Variants in FAM20B observed in about 807,000 individuals in gnomAD.
FAM20B encodes the protein glycosaminoglycan xylosylkinase.
FAM20B carries 23 observed loss-of-function variants against 43.8 expected under a neutral mutation model. The observed-to-expected ratio is 0.53, with a 90% CI of 0.38 to 0.74. The LOEUF is 0.74. Ranked by LOEUF, FAM20B falls within the 30% of genes least tolerant of loss-of-function variation. FAM20B has a pLI of 0.00. For synonymous variants in FAM20B, 178 were observed against 192.4 expected, an observed-to-expected ratio of 0.93 and a Z score of 0.62; for missense variants, 440 against 510.5, an observed-to-expected ratio of 0.86 and a Z score of 1.33.
chr1:179,040,737 C>T (rs1210206679), intron 1 of FAM20B, among the ~76,000 whole-genome samples: 7 of 139,758 alleles, frequency 5.0e-5, no homozygotes, highest in Non-Finnish European at 8.1e-5. Context: ...CCGGACGGGG[C>T]GGCTGGCCTG....
chr1:179,032,673 T>C lies in FAM20B; in HGVS notation c.-134+6575T>C, dbSNP rs190009477. On this transcript the variant is annotated intron_variant, in intron 1 of 7. Transcript: ENST00000263733. ...AGAAGCTATTTCTTAAGTGGATAAT[T>C]AGCACAGAAAAGAAGAAAAAATATC... Among the ~76,000 whole-genome samples the C allele has an allele frequency of 5.2e-3, 793 of 152,200 alleles. 8 individuals are homozygous for C. Among genetic ancestry groups the C allele is most frequent in the African/African-American group, 0.018 (749 of 41,522 alleles).
At chr1:179,030,216 C>T (rs554535098) in intron 1 of FAM20B, among the ~76,000 whole-genome samples, 5 of 151,990 alleles carry the variant, frequency 3.3e-5, no homozygotes, top group South Asian at 2.1e-4. Context: ...TGCCCAGGGA[C>T]GTTTTTGTTT....
At chr1:179,026,719 T>C (rs1557863474) in intron 1 of FAM20B, among the ~76,000 whole-genome samples, 1 of 152,214 alleles carries the variant, frequency 6.6e-6, no homozygotes, top group Non-Finnish European at 1.5e-5. Flanking sequence ...TAGCCCTCAG[T>C]GGGCTGCGCT....
At chr1:179,047,745 A>AC (rs143992121) in intron 2 of FAM20B, among the ~76,000 whole-genome samples, 3,284 of 152,206 alleles carry the variant, frequency 0.022, 65 homozygotes, top group Middle Eastern at 0.048. Context: ...TGCTGTTCTG[A>AC]CCCCCAGGGC....
intron 7 of FAM20B, among the ~76,000 whole-genome samples, chr1:179,070,077 G>A (rs927850208): frequency 3.9e-5 from 6 of 151,978 alleles, no homozygotes; most frequent in South Asian, 2.1e-4. Flanking sequence ...ATGGAGTCTC[G>A]CTCTGTTGCC....
At chr1:179,047,838 G>A (rs969339178) in intron 2 of FAM20B, among the ~76,000 whole-genome samples, 3 of 152,214 alleles carry the variant, frequency 2.0e-5, no homozygotes, top group South Asian at 2.1e-4. Context: ...CAGAAGGATA[G>A]GAATGATTTA....
Position 179,064,311 on chromosome 1 carries a change from G to A in FAM20B, c.753G>A (p.Glu251=), listed in dbSNP as rs1302936721. 6.2e-7 allele frequency: 1 copy of A among 1,604,368 alleles called. No homozygotes were observed. Among genetic ancestry groups the A allele is most frequent in the South Asian group, 1.1e-5 (1 of 90,306 alleles). ...TGATGCTGCTTGTCTCCAGGTGGGA[G>A]TATGATGAGAGCTACTGTGATGCTG... ...TYREGKLARW[E]YDESYCDAVK... The change falls in exon 6 of 8, where the codon GAG becomes GAA. Residue 251 remains glutamate (E), a synonymous_variant. Transcript: ENST00000263733.
chr1:179,038,959 C>T lies in FAM20B; in HGVS notation c.-133-4756C>T, dbSNP rs1211600452. On this transcript the variant is annotated intron_variant, in intron 1 of 7. Transcript: ENST00000263733. The stretch of plus-strand genomic sequence containing the variant: ...GAGAATAAACTTCATTCAGCTGGCC[C>T]ACTGCAAAGTGTTGCCCTCAGAATA... Among the ~76,000 whole-genome samples, 4 of 152,276 alleles carry T rather than the reference C, an allele frequency of 2.6e-5. No individual in the cohort carries two copies. In the East Asian group the frequency reaches 7.7e-4, roughly 29 times the overall value.
chr1:179,065,898 T>A (rs1651671010), intron 6 of FAM20B, among the ~76,000 whole-genome samples: 1 of 152,186 alleles, frequency 6.6e-6, no homozygotes, highest in South Asian at 2.1e-4. Flanking sequence ...GGTGAGGGCC[T>A]GTTTCTCAGA....
At chr1:179,040,334 TG>T (rs1345179625) in intron 1 of FAM20B, among the ~76,000 whole-genome samples, 1 of 127,534 alleles carries the variant, frequency 7.8e-6, no homozygotes, top group Non-Finnish European at 1.7e-5. Flanking sequence ...CCTCACCTCC[TG>T]GACGGGGTGG....
At chr1:179,062,697 A>G (rs891817060) in intron 4 of FAM20B, among the ~76,000 whole-genome samples, 51 of 152,192 alleles carry the variant, frequency 3.4e-4, no homozygotes, top group African/African-American at 1.2e-3. Context: ...CCATCAATTC[A>G]AACTAGTATT....
At chr1:179,027,816 T>C (rs1649851394) in intron 1 of FAM20B, among the ~76,000 whole-genome samples, 1 of 152,262 alleles carries the variant, frequency 6.6e-6, no homozygotes, top group Non-Finnish European at 1.5e-5. Context: ...GAATGGAAAC[T>C]AGAAAACACA....
In FAM20B at chr1:179,035,345, C is replaced by G. The variant is rs533646730; in HGVS notation, c.-133-8370C>G. 8.7e-6 allele frequency: 6 copies of G among 691,792 alleles called. No individual in the cohort carries two copies. The African/African-American group carries it at 1.1e-4, about 12-fold the overall frequency. 42.9% of individuals were successfully genotyped at this position (691,792 alleles called of 1,614,324 possible). On this transcript the variant is annotated intron_variant, in intron 1 of 7. Transcript: ENST00000263733. Reference sequence around the variant, plus strand: ...GGTGGGGGTCGTGGGGCAGCACCCACAGGTCTAAATCGGGGTAGGGGTGTT... The same window carrying G: ...GGTGGGGGTCGTGGGGCAGCACCCAGAGGTCTAAATCGGGGTAGGGGTGTT...
In FAM20B at chr1:179,044,176, C is replaced by T; in HGVS notation, c.329C>T (p.Ala110Val). Reference protein sequence around the residue: ...DVGYKGTQLKALLILEGGQKV... With the variant: ...DVGYKGTQLKVLLILEGGQKV... ...GGTTATAAAGGGACACAGCTGAAAG[C>T]CTTACTGATACTTGAAGGAGGCCAG... Residue 110 changes from alanine to valine, a missense_variant, in exon 2 of 8, where the codon GCC becomes GTC. Physicochemically the swap from Ala to Val is moderately conservative, Grantham distance 64. Transcript: ENST00000263733. The T allele has an allele frequency of 6.2e-7, 1 of 1,613,180 alleles. No homozygotes were observed. The highest frequency in any genetic ancestry group is 8.5e-7 in the Non-Finnish European group (1 of 1,179,614).
intron 7 of FAM20B, among the ~76,000 whole-genome samples, chr1:179,069,091 A>C (rs901213354): frequency 2.0e-5 from 3 of 152,148 alleles, no homozygotes; most frequent in African/African-American, 4.8e-5. Flanking sequence ...TGGCCTTCAA[A>C]GCTCTGGTTT....
At chr1:179,060,997 T>C (rs75014962) in intron 4 of FAM20B, among the ~76,000 whole-genome samples, 1 of 152,218 alleles carries the variant, frequency 6.6e-6, no homozygotes, top group Non-Finnish European at 1.5e-5. Flanking sequence ...TGCTGTGTCA[T>C]TGGTCTTACT....
chr1:179,061,813 T>TATA (rs1164260349), intron 4 of FAM20B, among the ~76,000 whole-genome samples: 48 of 152,290 alleles, frequency 3.2e-4, no homozygotes, highest in African/African-American at 1.1e-3. Flanking sequence ...TGTGCTTATT[T>TATA]ATATCACCAT....
At chr1:179,063,380 G>A (rs1651557251) in intron 4 of FAM20B, among the ~76,000 whole-genome samples, 1 of 152,164 alleles carries the variant, frequency 6.6e-6, no homozygotes. Context: ...GAGTCCAGGA[G>A]TTTGAGCCCA....
At chr1:179,065,836 A>G (rs563577739) in intron 6 of FAM20B, among the ~76,000 whole-genome samples, 1 of 152,304 alleles carries the variant, frequency 6.6e-6, no homozygotes, top group East Asian at 1.9e-4. Context: ...TATTGCTTAC[A>G]GTTTTGGAGG....
Sources: allele counts gnomAD v4.1 joint callset (sites outside exome capture counted in the v4.1 genomes callset), GRCh38; gene constraint gnomAD v4.1.1; transcripts MANE v1.5; gene names NCBI Gene and HGNC (gene_info 2026-07-23, HGNC 2026-07-21).